Variants in NECAB2 observed in about 807,000 individuals in gnomAD.
The protein encoded by NECAB2 is N-terminal EF-hand calcium-binding protein 2.
NECAB2 carries 68 observed loss-of-function variants against 51.9 expected under a neutral mutation model. That is an observed-to-expected ratio of 1.31 (90% confidence interval 1.08 to 1.60). The LOEUF (loss-of-function observed/expected upper bound fraction) is 1.60. Ranked by LOEUF, NECAB2 falls within the 40% of genes most tolerant of loss-of-function variation. NECAB2 has a pLI of 0.00. For synonymous variants in NECAB2, 329 were observed against 203.5 expected (o/e 1.62, Z -5.25); for missense variants, 854 against 490.3 (o/e 1.74, Z -7.00).
chr16:83,987,066 T>G (rs2084565922), intron 5 of NECAB2, among the ~76,000 whole-genome samples: 1 of 152,220 alleles, frequency 6.6e-6, no homozygotes, highest in Admixed American at 6.5e-5. Context: ...CTTTCTGTCC[T>G]TGGCTTCCCT....
chr16:83,975,195 TGTTG>T (rs2084394904), intron 2 of NECAB2, among the ~76,000 whole-genome samples: 2 of 77,806 alleles, frequency 2.6e-5, no homozygotes, highest in African/African-American at 1.2e-4. Context: ...TGCAGGGAGG[TGTTG>T]GTGCGGGGAT....
intron 5 of NECAB2, among the ~76,000 whole-genome samples, chr16:83,988,279 A>G (rs1008850665): frequency 3.4e-5 from 5 of 148,894 alleles, no homozygotes; most frequent in Non-Finnish European, 6.0e-5. Flanking sequence ...TTTACATTTT[A>G]CCTTTTGGTG....
chr16:83,977,376 G>A (rs935267466), intron 2 of NECAB2, among the ~76,000 whole-genome samples: 1 of 152,178 alleles, frequency 6.6e-6, no homozygotes, highest in Admixed American at 6.5e-5. Flanking sequence ...TCAGGTGGAA[G>A]GAGCTGAGGG....
chr16:83,967,705 CGGAT>C (rs60129536), upstream of NECAB2, among the ~76,000 whole-genome samples: 3,660 of 77,136 alleles, frequency 0.047, 116 homozygotes, highest in African/African-American at 0.098. Flanking sequence ...GATGGATGGA[CGGAT>C]GGATGGATGG....
intron 3 of NECAB2, among the ~76,000 whole-genome samples, chr16:83,978,766 G>C (rs2084448861): frequency 6.6e-6 from 1 of 152,046 alleles, no homozygotes; most frequent in Non-Finnish European, 1.5e-5. Context: ...TGTGTCTTCT[G>C]AGTGCACATG....
intron 11 of NECAB2, among the ~76,000 whole-genome samples, chr16:84,001,555 G>A (rs1017467133): frequency 6.6e-6 from 1 of 152,108 alleles, no homozygotes; most frequent in South Asian, 2.1e-4. Context: ...CCTCCTGCTA[G>A]GGTAAAGGGG....
At chr16:83,999,235 C>T (rs1209808894) in intron 10 of NECAB2, among the ~76,000 whole-genome samples, 1 of 151,732 alleles carries the variant, frequency 6.6e-6, no homozygotes, top group African/African-American at 2.4e-5. Flanking sequence ...TCGGCGTGGC[C>T]ACGAGGGGCC....
chr16:83,994,556 A>T, intron 7 of NECAB2, 53 bp from the exon 8 acceptor site: 1 of 1,610,042 alleles, frequency 6.2e-7, no homozygotes, highest in Non-Finnish European at 8.5e-7. Context: ...CTTCCCCCCG[A>T]AGCCCTCGTC....
intron 6 of NECAB2, 145 bp downstream of exon 6, chr16:83,990,775 C>G: frequency 3.8e-6 from 4 of 1,039,596 alleles, no homozygotes; most frequent in South Asian, 1.7e-5. Flanking sequence ...CTTTGGTGCT[C>G]CATTATGTAA....
intron 6 of NECAB2, among the ~76,000 whole-genome samples, chr16:83,992,865 CTT>C (rs2084643952): frequency 6.6e-6 from 1 of 152,296 alleles, no homozygotes; most frequent in African/African-American, 2.4e-5. Context: ...AAAGCTGACA[CTT>C]AGATTTCCTG....
chr16:83,966,120 G>C, upstream of NECAB2: 1 of 885,480 alleles, frequency 1.1e-6, no homozygotes, highest in Non-Finnish European at 1.7e-6. Context: ...AGCCCACGTT[G>C]CTGGCCTTTG....
rs754350396 is a variant in NECAB2 at position 83,980,141 on chromosome 16, A to G, written c.336-698A>G. On this transcript the variant is annotated intron_variant, in intron 3 of 12. Transcript: ENST00000305202. The stretch of plus-strand genomic sequence containing the variant: ...TAGGCCCAGAAAGGGCCACCACCGT[A>G]TTGGGTCCCTTGCACATTGACTTGG... Among the ~76,000 whole-genome samples the G allele has an allele frequency of 5.3e-4, 81 of 152,220 alleles. 1 individual carries two copies. Among genetic ancestry groups the G allele is most frequent in the Non-Finnish European group, 8.5e-4 (58 of 68,034 alleles).
rs111913497 is a variant in NECAB2, at chr16:83,981,026, C to T, written c.362-4C>T. 0.023 allele frequency: 36,948 copies of T among 1,613,868 alleles called. 634 individuals are homozygous for T. The highest frequency in any genetic ancestry group is 0.083 in the African/African-American group (6,256 of 74,990). Reference sequence around the variant, plus strand: ...ACCCCTGACCTTTGCCTTTCCTTCCCCAGATTACTTTGTGGACCACATGGG... The same window carrying T: ...ACCCCTGACCTTTGCCTTTCCTTCCTCAGATTACTTTGTGGACCACATGGG... On this transcript the variant is annotated splice_region_variant and splice_polypyrimidine_tract_variant and intron_variant, in intron 4 of 12. Transcript: ENST00000305202.
intron 2 of NECAB2, among the ~76,000 whole-genome samples, chr16:83,976,893 A>G (rs1011148203): frequency 4.6e-5 from 7 of 152,214 alleles, no homozygotes; most frequent in Admixed American, 2.6e-4. Context: ...AGCTGCTGGG[A>G]GCACAGACAG....
In NECAB2 at chr16:83,994,483, C is replaced by A. The variant is rs2292325; in HGVS notation, c.715+63C>A. On this transcript the variant is annotated intron_variant, in intron 7 of 12. Transcript: ENST00000305202. ...GGGGGTCCCGAGGAGTTCTGAGAGT[C>A]CTCTGACAGGGACTGGGGAGATGAG... 12 of 1,596,164 alleles carry A rather than the reference C, an allele frequency of 7.5e-6. No individual in the cohort carries two copies. The Middle Eastern group carries it at 1.5e-3, about 199-fold the overall frequency.
chr16:83,982,288 G>A (rs1056898038), intron 5 of NECAB2, among the ~76,000 whole-genome samples: 4 of 152,194 alleles, frequency 2.6e-5, no homozygotes, highest in African/African-American at 4.8e-5. Flanking sequence ...GGGCCTCCAC[G>A]ATTCCACATT....
chr16:84,002,482 G>A lies in NECAB2; in HGVS notation c.*136G>A. 1 of 1,229,380 alleles carries A rather than the reference G, an allele frequency of 8.1e-7. No homozygotes were observed. Among genetic ancestry groups the A allele is most frequent in the Non-Finnish European group, 1.2e-6 (1 of 852,854 alleles). The allele number at this position is 1,229,380 out of a possible 1,614,324, so 76.2% of individuals were successfully genotyped here. On this transcript the variant is annotated 3_prime_UTR_variant, in exon 13 of 13. Transcript: ENST00000305202. ...CTCCACAAGAAGGTGTTTCCCTGTTGTTAAGTGAAGGAGGCCGCCCCTGCC... is the reference window on the plus strand; with the variant it reads ...CTCCACAAGAAGGTGTTTCCCTGTTATTAAGTGAAGGAGGCCGCCCCTGCC...
In NECAB2 at chr16:83,981,115, T is replaced by G. The variant is rs761928530; in HGVS notation, c.447T>G (p.Gly149=). 1 of 1,613,768 alleles carries G rather than the reference T, an allele frequency of 6.2e-7. No individual in the cohort carries two copies. The highest frequency in any genetic ancestry group is 8.5e-7 in the Non-Finnish European group (1 of 1,179,902). The change falls in exon 5 of 13, where the codon GGT becomes GGG. Residue 149 remains glycine (G), a synonymous_variant. Coordinates refer to ENST00000305202, the MANE Select transcript of NECAB2 (RefSeq NM_019065.3). ...TLNHSVLKAM[G]YTKKVYEGGS... is the part of the protein sequence containing the mutation. ...ATCACTCTGTCCTGAAGGCCATGGG[T>G]TATACCAAGAAGGTCAGTGGGTGTA...
chr16:83,993,846 G>A (rs2084657795), intron 6 of NECAB2, among the ~76,000 whole-genome samples: 1 of 152,156 alleles, frequency 6.6e-6, no homozygotes, highest in African/African-American at 2.4e-5. Context: ...TCGCTTTTAT[G>A]TGTATGTGTT....
Sources: gnomAD v4.1 joint callset for allele counts (sites outside exome capture counted in the v4.1 genomes callset) on GRCh38, gnomAD v4.1.1 for gene constraint, MANE v1.5 for transcripts, NCBI Gene and HGNC (gene_info 2026-07-23, HGNC 2026-07-21) for gene names.